The following LMOD1 variants were observed in gnomAD, a reference collection of about 807,000 sequenced individuals.
The protein encoded by LMOD1 is leiomodin-1.
Under a neutral mutation model 36.5 loss-of-function variants are expected in LMOD1, and 8 were observed. The ratio of observed to expected loss-of-function variants is 0.22; its 90% CI spans 0.13 to 0.40. The LOEUF (loss-of-function observed/expected upper bound fraction) is 0.40, where lower values mean the gene tolerates loss of function less well. Among genes scored for constraint, LMOD1 ranks in the 10% least tolerant of loss-of-function variants. LMOD1 has a pLI of 1.00. For synonymous variants in LMOD1, 284 were observed against 288.7 expected (o/e 0.98, Z 0.17); for missense variants, 630 against 751.1 (o/e 0.84, Z 1.88).
intron 1 of LMOD1, among the ~76,000 whole-genome samples, chr1:201,916,318 G>T (rs12137232): frequency 0.44 from 66,249 of 151,604 alleles, 15,732 homozygotes; most frequent in East Asian, 0.81. Context: ...GTTCAAGACC[G>T]TCCTGGGCAA....
At chr1:201,912,900 T>G (rs918294529) in intron 1 of LMOD1, among the ~76,000 whole-genome samples, 2 of 151,858 alleles carry the variant, frequency 1.3e-5, no homozygotes, top group African/African-American at 4.8e-5. Flanking sequence ...AAAACAAACT[T>G]CCTGGAGTCC....
At chr1:201,938,846 A>G (rs1000328362) in intron 1 of LMOD1, among the ~76,000 whole-genome samples, 2 of 152,188 alleles carry the variant, frequency 1.3e-5, no homozygotes, top group Non-Finnish European at 2.9e-5. Flanking sequence ...GGACAGCTGA[A>G]GCCAAGTTCT....
intron 1 of LMOD1, among the ~76,000 whole-genome samples, chr1:201,928,149 C>G (rs1371043008): frequency 6.6e-6 from 1 of 152,198 alleles, no homozygotes; most frequent in Non-Finnish European, 1.5e-5. Flanking sequence ...TCTTGGACTT[C>G]CCAGCCTTCA....
chr1:201,920,725 G>A (rs966425238), intron 1 of LMOD1, among the ~76,000 whole-genome samples: 3 of 152,160 alleles, frequency 2.0e-5, no homozygotes, highest in Admixed American at 6.5e-5. Context: ...AGGACCCAGC[G>A]AATATAGAAT....
chr1:201,908,127 A>C (rs1236704162), intron 1 of LMOD1, among the ~76,000 whole-genome samples: 1 of 151,762 alleles, frequency 6.6e-6, no homozygotes, highest in African/African-American at 2.4e-5. Context: ...AAGTTCTTCA[A>C]CTCCTGTTCT....
At chr1:201,931,470 G>A (rs1205341334) in intron 1 of LMOD1, among the ~76,000 whole-genome samples, 1 of 151,112 alleles carries the variant, frequency 6.6e-6, no homozygotes, top group Admixed American at 6.6e-5. Flanking sequence ...AGGAAGCAGA[G>A]GAGGTTGCAG....
chr1:201,925,566 T>A (rs1378837913), intron 1 of LMOD1, among the ~76,000 whole-genome samples: 1 of 152,170 alleles, frequency 6.6e-6, no homozygotes, highest in Non-Finnish European at 1.5e-5. Context: ...TGGTGTGGAA[T>A]GTTTTTAGGG....
At chr1:201,904,302 C>T (rs537941144) in intron 1 of LMOD1, among the ~76,000 whole-genome samples, 1 of 152,324 alleles carries the variant, frequency 6.6e-6, no homozygotes, top group African/African-American at 2.4e-5. Context: ...CCTCTGCCTT[C>T]TGAGTTCAAG....
intron 1 of LMOD1, among the ~76,000 whole-genome samples, chr1:201,931,030 G>A (rs1681908678): frequency 1.3e-5 from 2 of 152,354 alleles, no homozygotes; most frequent in South Asian, 4.1e-4. Context: ...GGGTGATAGT[G>A]AGCATGGATG....
intron 1 of LMOD1, among the ~76,000 whole-genome samples, chr1:201,926,450 GA>G (rs1681828893): frequency 6.6e-6 from 1 of 152,174 alleles, no homozygotes; most frequent in South Asian, 2.1e-4. Flanking sequence ...AGGCTCTGGG[GA>G]TCTGTTTAGG....
In LMOD1 at chr1:201,900,107, G is replaced by A. The variant is rs1408645947; in HGVS notation, c.906C>T (p.Pro302=). 2 of 1,613,966 alleles carry A rather than the reference G, an allele frequency of 1.2e-6. No individual in the cohort carries two copies. The change falls in exon 2 of 3, where the codon CCC becomes CCT. Residue 302 remains proline (P), a synonymous_variant. Coordinates refer to ENST00000367288, the MANE Select transcript of LMOD1 (RefSeq NM_012134.3). The stretch of plus-strand genomic sequence containing the variant: ...CCTCCACCTTGGCCGGTCCTTCAGA[G>A]GGCTTGGTGGGGCCACTGGGCGTCT... ...EKQTPSGPTK[P]SEGPAKVEEE...
intron 1 of LMOD1, among the ~76,000 whole-genome samples, chr1:201,928,244 C>G (rs192899140): frequency 3.2e-4 from 48 of 152,254 alleles, no homozygotes; most frequent in African/African-American, 1.1e-3. Flanking sequence ...TGGACTAAGA[C>G]GGGGGAATTG....
Position 201,917,621 on chromosome 1 carries a change from G to A in LMOD1, c.262-16870C>T, listed in dbSNP as rs989084436. On this transcript the variant is annotated intron_variant, in intron 1 of 2. Transcript: ENST00000367288. ...AGCAAACCCCATTTTTGGAGAAACCGGGAAATCTCTTTGGGGAGATAAACA... is the reference window on the plus strand; with the variant it reads ...AGCAAACCCCATTTTTGGAGAAACCAGGAAATCTCTTTGGGGAGATAAACA... Among the ~76,000 whole-genome samples, 108 of 145,264 alleles carry A rather than the reference G, an allele frequency of 7.4e-4. 1 individual carries two copies. The highest frequency in any genetic ancestry group is 2.6e-3 in the African/African-American group (105 of 40,782).
rs1553295627 is a variant in LMOD1, at chr1:201,901,511, AAT to A, written c.262-762_262-761del. Among the ~76,000 whole-genome samples the A allele has an allele frequency of 5.2e-3, 388 of 75,202 alleles. 12 individuals carry two copies. Among genetic ancestry groups the A allele is most frequent in the Non-Finnish European group, 6.3e-3 (270 of 42,822 alleles). The allele number at this position is 75,202 out of a possible 152,430, so 49.3% of individuals were successfully genotyped here. On this transcript the variant is annotated intron_variant, in intron 1 of 2. Transcript: ENST00000367288. Reference sequence around the variant, plus strand: ...GAGCGAAACTCTGTCTCAAAAAAAAAATATATATATATATATATGTATATATA... The same window carrying A: ...GAGCGAAACTCTGTCTCAAAAAAAAAATATATATATATATATGTATATATA...
intron 1 of LMOD1, among the ~76,000 whole-genome samples, chr1:201,942,766 C>A (rs1435110954): frequency 6.6e-6 from 1 of 151,874 alleles, no homozygotes. Context: ...AGACCCATCA[C>A]CCAGCTTCAA....
At chr1:201,934,292 T>C (rs1050202440) in intron 1 of LMOD1, among the ~76,000 whole-genome samples, 1 of 152,184 alleles carries the variant, frequency 6.6e-6, no homozygotes, top group African/African-American at 2.4e-5. Context: ...GACCAGCCTA[T>C]GGCTGCCAGT....
Position 201,912,335 on chromosome 1 carries a change from C to A in LMOD1, c.262-11584G>T, listed in dbSNP as rs1571579382. Among the ~76,000 whole-genome samples the A allele has an allele frequency of 3.3e-5, 5 of 152,290 alleles. No homozygotes were observed. In the South Asian group the frequency reaches 1.0e-3, roughly 32 times the overall value. ...GTCCAGGATCAATGTCAGCATCAAG[C>A]ATGGTGTGCTTTGGGAAGTGACCCC... On this transcript the variant is annotated intron_variant, in intron 1 of 2. Transcript: ENST00000367288.
At chr1:201,924,567 G>GGGAAGGAA (rs1191705560) in intron 1 of LMOD1, among the ~76,000 whole-genome samples, 1 of 100,544 alleles carries the variant, frequency 9.9e-6, no homozygotes, top group Non-Finnish European at 2.0e-5. Context: ...GAGGGAGGGA[G>GGGAAGGAA]GGAAGGAAGG....
chr1:201,900,947 G>A (rs1349609796), intron 1 of LMOD1, among the ~76,000 whole-genome samples, 196 bp from the exon 2 acceptor site: 4 of 152,094 alleles, frequency 2.6e-5, no homozygotes, highest in Non-Finnish European at 5.9e-5. Flanking sequence ...TGCAGAAATG[G>A]GATGACATCA....
Sources: allele counts gnomAD v4.1 joint callset (sites outside exome capture counted in the v4.1 genomes callset), GRCh38; gene constraint gnomAD v4.1.1; transcripts MANE v1.5; gene names NCBI Gene and HGNC (gene_info 2026-07-23, HGNC 2026-07-21).